The following TMEM68 variants were observed in gnomAD, a reference collection of about 807,000 sequenced individuals.
The protein encoded by TMEM68 is DGAT1/2-independent enzyme synthesizing storage lipids.
TMEM68 carries 25 observed loss-of-function variants against 36.9 expected under a neutral mutation model. That is an observed-to-expected ratio of 0.68 (90% CI 0.49 to 0.95). TMEM68 has a LOEUF of 0.95. Among genes scored for constraint, TMEM68 ranks in the 40% least tolerant of loss-of-function variants. The pLI, the probability that TMEM68 is intolerant of heterozygous loss-of-function variation, is 0.00. For missense variants in TMEM68, 333 were observed against 392.0 expected, an observed-to-expected ratio of 0.85 and a Z score of 1.27; for synonymous variants, 131 against 124.4, an observed-to-expected ratio of 1.05 and a Z score of -0.35.
intron 7 of TMEM68, among the ~76,000 whole-genome samples, chr8:55,742,842 A>ATTTTTTT: frequency 6.6e-6 from 1 of 151,246 alleles, no homozygotes. Flanking sequence ...CTCTGAAAGT[A>ATTTTTTT]TAATTATGAG....
At chr8:55,752,179 G>A (rs1810441507) in intron 4 of TMEM68, among the ~76,000 whole-genome samples, 1 of 151,332 alleles carries the variant, frequency 6.6e-6, no homozygotes, top group Non-Finnish European at 1.5e-5. Context: ...CTGCACTGCA[G>A]CCTGGGCAAC....
At chr8:55,756,452 T>G in intron 3 of TMEM68, 41 bp from the exon 4 acceptor site, 1 of 1,515,128 alleles carries the variant, frequency 6.6e-7, no homozygotes, top group Non-Finnish European at 8.8e-7. Context: ...AATATATTCA[T>G]TAATTCGTTT....
Position 55,760,848 on chromosome 8 carries a change from A to AT in TMEM68, c.325+1786dup, listed in dbSNP as rs1810768823. 2.0e-5 allele frequency: 3 copies of AT among 152,330 alleles called. No homozygotes were observed. The South Asian group carries it at 6.2e-4, about 32-fold the overall frequency. The allele number at this position is 152,330 out of a possible 1,614,324, so 9.4% of individuals were successfully genotyped here. On this transcript the variant is annotated intron_variant, in intron 3 of 7. Coordinates refer to ENST00000434581, the MANE Select transcript of TMEM68 (RefSeq NM_001286657.2). ...TATTATATCATTTCTTTCCAATTAC[A>AT]TAATTCTAACTCAAGTAATTCAATT...
intron 4 of TMEM68, among the ~76,000 whole-genome samples, chr8:55,754,734 ACT>A (rs1491111432): frequency 8.2e-6 from 1 of 121,930 alleles, no homozygotes. Flanking sequence ...TAAAATACAT[ACT>A]TATATATATA....
intron 4 of TMEM68, chr8:55,751,387 T>C: frequency 2.1e-6 from 1 of 472,026 alleles, no homozygotes; most frequent in Non-Finnish European, 3.7e-6. Context: ...GGTATTCTTC[T>C]CCCCACTTTA....
At chr8:55,753,255 A>G (rs1810472138) in intron 4 of TMEM68, among the ~76,000 whole-genome samples, 1 of 152,218 alleles carries the variant, frequency 6.6e-6, no homozygotes. Flanking sequence ...AGAGAAAAAC[A>G]GTTAAGTAAA....
At chr8:55,756,472 G>A (rs936734927) in intron 3 of TMEM68, 61 bp from the exon 4 acceptor site, 2 of 1,436,878 alleles carry the variant, frequency 1.4e-6, no homozygotes, top group South Asian at 1.5e-5. Context: ...TACAGTAAAG[G>A]ATGGTTGGTA....
chr8:55,766,686 C>T (rs914000958), intron 1 of TMEM68, among the ~76,000 whole-genome samples: 2 of 151,978 alleles, frequency 1.3e-5, no homozygotes, highest in African/African-American at 4.8e-5. Context: ...TCTATGCACG[C>T]TTTTATCTAA....
chr8:55,762,117 G>A (rs967776145), intron 3 of TMEM68: 2 of 152,332 alleles, frequency 1.3e-5, no homozygotes, highest in African/African-American at 4.8e-5. Context: ...AGAAAAGAAT[G>A]ACTATCCTGG....
chr8:55,763,717 C>CATGTTTTG (rs1260261436), intron 2 of TMEM68: 1 of 47,012 alleles, frequency 2.1e-5, no homozygotes, highest in Admixed American at 2.5e-4. Flanking sequence ...CAAAAGAAAA[C>CATGTTTTG]ATCAATATCT....
intron 1 of TMEM68, among the ~76,000 whole-genome samples, chr8:55,767,321 C>T (rs1811002449): frequency 6.6e-6 from 1 of 152,022 alleles, no homozygotes; most frequent in Admixed American, 6.6e-5. Flanking sequence ...TAATGCTTAT[C>T]ACATATAAGC....
Position 55,767,798 on chromosome 8 carries a change from G to A in TMEM68, c.-114-3818C>T, listed in dbSNP as rs1177809728. ...ACCAAAAATACAAAATTAGCCGGGC[G>A]TGGTGTCGCACGCCTATAGTCCCAA... On this transcript the variant is annotated intron_variant, in intron 1 of 7. Coordinates refer to ENST00000434581, the MANE Select transcript of TMEM68 (RefSeq NM_001286657.2). Among the ~76,000 whole-genome samples the A allele has an allele frequency of 5.3e-5, 8 of 152,230 alleles. No homozygotes were observed. In the South Asian group the frequency reaches 6.2e-4, roughly 12 times the overall value.
intron 4 of TMEM68, among the ~76,000 whole-genome samples, chr8:55,753,516 T>C (rs1810480916): frequency 6.6e-6 from 1 of 152,182 alleles, no homozygotes; most frequent in African/African-American, 2.4e-5. Flanking sequence ...CCATAAACAA[T>C]ATGTTTATAC....
rs549429047 is a variant in TMEM68 at position 55,741,957 on chromosome 8, GA to G, written c.888+1523del. Among the ~76,000 whole-genome samples, 965 of 152,246 alleles carry G rather than the reference GA, an allele frequency of 6.3e-3. 11 individuals carry two copies. The highest frequency in any genetic ancestry group is 6.4e-3 in the Non-Finnish European group (438 of 68,000). ...TGTAATTCCAGCTATTTGGGAGGCT[GA>G]GATACGACAATCACTTGAATCTGGG... On this transcript the variant is annotated intron_variant, in intron 7 of 7. Transcript: ENST00000434581.
At chr8:55,743,125 G>A (rs1810154117) in intron 7 of TMEM68, among the ~76,000 whole-genome samples, 1 of 152,088 alleles carries the variant, frequency 6.6e-6, no homozygotes. Flanking sequence ...AACTGTCTCA[G>A]TGCAAATGAC....
In TMEM68 at chr8:55,743,574, T is replaced by C; in HGVS notation, c.795A>G (p.Pro265=). 1 of 1,535,756 alleles carries C rather than the reference T, an allele frequency of 6.5e-7. No individual in the cohort carries two copies. The highest frequency in any genetic ancestry group is 2.0e-5 in the Admixed American group (1 of 50,962). ...LYEKFRYPFA[P]MYGGFPVKLR... Reference sequence around the variant, plus strand: ...ACTTCACTGGAAAACCTCCATACATTGGAGCAAATGGATAGCGGAATTTTT... The same window carrying C: ...ACTTCACTGGAAAACCTCCATACATCGGAGCAAATGGATAGCGGAATTTTT... The change falls in exon 7 of 8, where the codon CCA becomes CCG. Residue 265 remains proline, a synonymous_variant. Transcript: ENST00000434581.
chr8:55,747,201 A>G (rs1679016385), intron 5 of TMEM68: 2 of 152,124 alleles, frequency 1.3e-5, no homozygotes, highest in Non-Finnish European at 2.9e-5. Context: ...CATCTCTACT[A>G]AAAATACAAA....
chr8:55,751,393 CT>C, intron 4 of TMEM68: 1 of 455,674 alleles, frequency 2.2e-6, no homozygotes, highest in African/African-American at 2.0e-5. Context: ...CTTCTCCCCA[CT>C]TTACAAATGA....
At chr8:55,752,460 G>A (rs1424769620) in intron 4 of TMEM68, among the ~76,000 whole-genome samples, 2 of 151,474 alleles carry the variant, frequency 1.3e-5, no homozygotes, top group East Asian at 2.0e-4. Context: ...GGTGGCGCAC[G>A]CTTGTAATCC....
Sources: allele counts gnomAD v4.1 joint callset (sites outside exome capture counted in the v4.1 genomes callset), GRCh38; gene constraint gnomAD v4.1.1; transcripts MANE v1.5; gene names NCBI Gene and HGNC (gene_info 2026-07-23, HGNC 2026-07-21).